NCAM1: variants seen among roughly 807,000 people sequenced by gnomAD.
NCAM1 encodes antigen recognized by monoclonal antibody 5.1H11.
Under a neutral mutation model 109.8 loss-of-function variants are expected in NCAM1, and 14 were observed. The ratio of observed to expected loss-of-function variants is 0.13; its 90% confidence interval spans 0.08 to 0.20. The LOEUF (loss-of-function observed/expected upper bound fraction) is 0.20, where lower values mean the gene tolerates loss of function less well. NCAM1 is among the 10% of genes least tolerant of loss of function. The pLI is 1.00. For synonymous variants in NCAM1, 418 were observed against 442.9 expected, an observed-to-expected ratio of 0.94 and a Z score of 0.70; for missense variants, 774 against 1,109.9, an observed-to-expected ratio of 0.70 and a Z score of 4.30.
chr11:113,072,637 C>A (rs782735964), intron 1 of NCAM1, among the ~76,000 whole-genome samples: 7 of 152,070 alleles, frequency 4.6e-5, no homozygotes, highest in Non-Finnish European at 1.5e-5. Context: ...TATTGTGTTA[C>A]TTTAAATATA....
intron 14 of NCAM1, among the ~76,000 whole-genome samples, chr11:113,244,225 A>T (rs1193907580): frequency 6.6e-6 from 1 of 152,178 alleles, no homozygotes; most frequent in Non-Finnish European, 1.5e-5. Context: ...CAGGTGGCTC[A>T]CTGTAGGTTG....
chr11:113,128,995 G>T (rs1421675653), intron 1 of NCAM1, among the ~76,000 whole-genome samples: 3 of 151,826 alleles, frequency 2.0e-5, no homozygotes, highest in African/African-American at 7.3e-5. Context: ...ATCCTTGGGG[G>T]AGATTATATA....
At chr11:113,226,635 C>T (rs1351025472) in intron 9 of NCAM1, among the ~76,000 whole-genome samples, 4 of 152,350 alleles carry the variant, frequency 2.6e-5, no homozygotes, top group Non-Finnish European at 5.9e-5. Flanking sequence ...ACATTCTTCT[C>T]AGCACCACAC....
chr11:113,256,858 G>A (rs145121033), intron 16 of NCAM1, among the ~76,000 whole-genome samples: 28 of 152,302 alleles, frequency 1.8e-4, no homozygotes, highest in African/African-American at 3.6e-4. Context: ...CTGGGGTTTC[G>A]TAGTAGAGAA....
intron 1 of NCAM1, among the ~76,000 whole-genome samples, chr11:113,071,752 C>G (rs1470053307): frequency 3.9e-5 from 6 of 152,190 alleles, no homozygotes; most frequent in African/African-American, 9.6e-5. Flanking sequence ...TACTGAGAAC[C>G]TGAATCTTTC....
At chr11:113,029,670 T>C (rs1952656830) in intron 1 of NCAM1, among the ~76,000 whole-genome samples, 1 of 152,210 alleles carries the variant, frequency 6.6e-6, no homozygotes, top group Admixed American at 6.5e-5. Context: ...GATGTCACTT[T>C]AGAAGAAAGT....
chr11:113,012,011 C>CCTTT (rs1352281218), intron 1 of NCAM1, among the ~76,000 whole-genome samples: 3 of 141,816 alleles, frequency 2.1e-5, no homozygotes, highest in African/African-American at 2.7e-5. Context: ...TTCCTTCCTT[C>CCTTT]CTTTCTTTCC....
chr11:113,263,912 C>A (rs535111183), intron 17 of NCAM1: 1 of 985,548 alleles, frequency 1.0e-6, no homozygotes. Context: ...CCGAGCCAAC[C>A]TGTCAGTGCT....
intron 15 of NCAM1, among the ~76,000 whole-genome samples, chr11:113,248,830 G>T (rs1321701041): frequency 6.6e-6 from 1 of 152,174 alleles, no homozygotes; most frequent in Non-Finnish European, 1.5e-5. Flanking sequence ...AGCCTACAGG[G>T]CTTGGCCTGT....
chr11:112,996,911 TA>T (rs1951610864), intron 1 of NCAM1, among the ~76,000 whole-genome samples: 1 of 152,180 alleles, frequency 6.6e-6, no homozygotes, highest in African/African-American at 2.4e-5. Flanking sequence ...ATGCAGACAT[TA>T]CTGGTAAGGG....
At chr11:113,259,177 A>G (rs949188889) in intron 16 of NCAM1, among the ~76,000 whole-genome samples, 3 of 146,058 alleles carry the variant, frequency 2.1e-5, no homozygotes, top group Admixed American at 7.0e-5. Context: ...TCAGCCTCCC[A>G]AGTAGCTGGG....
chr11:113,241,765 A>T (rs1404690191), intron 14 of NCAM1, among the ~76,000 whole-genome samples: 1 of 152,226 alleles, frequency 6.6e-6, no homozygotes, highest in Non-Finnish European at 1.5e-5. Flanking sequence ...CACAGGATGT[A>T]ATGCCAGCAT....
rs1591188913 is a variant in NCAM1 at position 112,962,029 on chromosome 11, T to A, written c.52+365T>A. On this transcript the variant is annotated intron_variant, in intron 1 of 19. Coordinates refer to ENST00000316851, the MANE Select transcript of NCAM1 (RefSeq NM_181351.5). The surrounding 1 kb of genome is among the most constrained non-coding windows in gnomAD (Gnocchi z 5.6). ...AAGGCGGGCGGCGGGGCGGGGGAGG[T>A]CGCGGCTCGGGTGGTGCCGCCGCAC... Among the ~76,000 whole-genome samples, 1 of 150,582 alleles carries A rather than the reference T, an allele frequency of 6.6e-6. No homozygotes were observed. The highest frequency in any genetic ancestry group is 1.5e-5 in the Non-Finnish European group (1 of 67,612).
chr11:113,036,298 A>G (rs1452335200), intron 1 of NCAM1, among the ~76,000 whole-genome samples: 1 of 152,096 alleles, frequency 6.6e-6, no homozygotes, highest in Non-Finnish European at 1.5e-5. Context: ...GCTCAACAGA[A>G]GAGCCACCCT....
chr11:113,023,865 G>T lies in NCAM1; in HGVS notation c.52+62201G>T, dbSNP rs182945852. ...AAACAGTACATTTCTCCCTCATTGG[G>T]GGTCAATGAATGTTTAATGCATGGG... On this transcript the variant is annotated intron_variant, in intron 1 of 19. Coordinates refer to ENST00000316851, the MANE Select transcript of NCAM1 (RefSeq NM_181351.5). 2.6e-3 allele frequency among the ~76,000 whole-genome samples: 398 copies of T among 152,180 alleles called. 2 individuals are homozygous for T. Among genetic ancestry groups the T allele is most frequent in the Admixed American group, 6.6e-3 (101 of 15,294 alleles).
At chr11:113,085,644 G>A (rs982556456) in intron 1 of NCAM1, among the ~76,000 whole-genome samples, 1 of 152,150 alleles carries the variant, frequency 6.6e-6, no homozygotes, top group African/African-American at 2.4e-5. Context: ...AGGGGACTCT[G>A]CAGCTGTCTT....
rs140141758 is a variant in NCAM1, at chr11:113,136,894, C to A, written c.53-65485C>A. On this transcript the variant is annotated intron_variant, in intron 1 of 19. Transcript: ENST00000316851. ...GAATGGAGTGGAATGGCGCTGTGGGCGTGGTCAGACTGGGGACATGGAGAG... is the reference window on the plus strand; with the variant it reads ...GAATGGAGTGGAATGGCGCTGTGGGAGTGGTCAGACTGGGGACATGGAGAG... Among the ~76,000 whole-genome samples the A allele has an allele frequency of 5.5e-4, 84 of 152,170 alleles. 1 individual carries two copies. The highest frequency in any genetic ancestry group is 1.9e-3 in the African/African-American group (80 of 41,502).
chr11:113,206,146 G>A lies in NCAM1; in HGVS notation c.594G>A (p.Glu198=), dbSNP rs782014259. 3 of 1,613,384 alleles carry A rather than the reference G, an allele frequency of 1.9e-6. No individual in the cohort carries two copies. The African/African-American group carries it at 4.0e-5, about 22-fold the overall frequency. The change falls in exon 5 of 20, where the codon GAG becomes GAA. Residue 198 remains glutamate (E), a synonymous_variant. Transcript: ENST00000316851. ...RCEGRILARG[E]INFKDIQVIV... Reference sequence around the variant, plus strand: ...AGGGCAGAATCCTGGCACGGGGGGAGATCAACTTCAAGGACATTCAGGTCA... The same window carrying A: ...AGGGCAGAATCCTGGCACGGGGGGAAATCAACTTCAAGGACATTCAGGTCA...
intron 1 of NCAM1, among the ~76,000 whole-genome samples, chr11:113,106,113 A>G (rs1020074516): frequency 6.6e-5 from 10 of 152,308 alleles, no homozygotes; most frequent in Non-Finnish European, 1.3e-4. Flanking sequence ...TATCTGAAAA[A>G]AAACAAGTCC....
Sources: gnomAD v4.1 joint callset for allele counts (sites outside exome capture counted in the v4.1 genomes callset) on GRCh38, gnomAD v4.1.1 for gene constraint, Gnocchi (gnomAD v3.1) non-coding constraint, MANE v1.5 for transcripts, NCBI Gene and HGNC (gene_info 2026-07-23, HGNC 2026-07-21) for gene names.